SGK1: variants seen among roughly 807,000 people sequenced by gnomAD.
SGK1 encodes the protein serine/threonine-protein kinase Sgk1.
SGK1 carries 26 observed loss-of-function variants against 64.2 expected under a neutral mutation model. The ratio of observed to expected loss-of-function variants is 0.40; its 90% CI spans 0.30 to 0.56. SGK1 has a LOEUF of 0.56. SGK1 is among the 20% of genes least tolerant of loss of function. The pLI is 0.38. For synonymous variants in SGK1, 265 were observed against 239.7 expected (o/e 1.11, Z -0.98); for missense variants, 519 against 645.6 (o/e 0.80, Z 2.12).
intron 1 of SGK1, among the ~76,000 whole-genome samples, chr6:134,305,042 A>G (rs1777513977): frequency 6.6e-6 from 1 of 152,158 alleles, no homozygotes; most frequent in African/African-American, 2.4e-5. Flanking sequence ...TGAATGATAG[A>G]GAAGACAATG....
intron 1 of SGK1, among the ~76,000 whole-genome samples, chr6:134,282,649 T>C (rs989360369): frequency 1.4e-5 from 2 of 147,504 alleles, no homozygotes; most frequent in Admixed American, 6.7e-5. Context: ...TGAGACTCCA[T>C]CTCAAAAAAA....
intron 1 of SGK1, among the ~76,000 whole-genome samples, chr6:134,268,656 G>C (rs1417916434): frequency 2.1e-5 from 3 of 141,836 alleles, no homozygotes; most frequent in Non-Finnish European, 3.1e-5. Context: ...CCGGGAGGCG[G>C]AGCTTGCAGT....
chr6:134,170,261 A>G lies in SGK1; in HGVS notation c.*7T>C, dbSNP rs1341276634. ...TAAAATCCTTTAAAACCAAGCCCTA[A>G]CAGGGTTCAGAGGAAAGAGTCCGTG... On this transcript the variant is annotated 3_prime_UTR_variant, in exon 14 of 14. Coordinates refer to ENST00000367858, the MANE Select transcript of SGK1 (RefSeq NM_001143676.3). 1 of 1,604,128 alleles carries G rather than the reference A, an allele frequency of 6.2e-7. No homozygotes were observed. Among genetic ancestry groups the G allele is most frequent in the African/African-American group, 1.3e-5 (1 of 74,764 alleles).
intron 1 of SGK1, among the ~76,000 whole-genome samples, chr6:134,306,442 A>T (rs1421472429): frequency 6.6e-6 from 1 of 151,932 alleles, no homozygotes. Flanking sequence ...GAAAAAACAC[A>T]CAAGGAGCTA....
chr6:134,264,269 G>A (rs1025811167), intron 1 of SGK1, among the ~76,000 whole-genome samples: 13 of 151,704 alleles, frequency 8.6e-5, no homozygotes, highest in African/African-American at 3.1e-4. Context: ...ACAGGCACCT[G>A]CCACCATGCC....
At chr6:134,313,828 C>T (rs1777640529) in intron 1 of SGK1, among the ~76,000 whole-genome samples, 1 of 152,092 alleles carries the variant, frequency 6.6e-6, no homozygotes, top group African/African-American at 2.4e-5. Flanking sequence ...GAGACAATGT[C>T]ATTTGTTTGC....
At chr6:134,210,245 T>C (rs148974247) in intron 2 of SGK1, among the ~76,000 whole-genome samples, 1 of 152,302 alleles carries the variant, frequency 6.6e-6, no homozygotes, top group East Asian at 1.9e-4. Context: ...AATCATACCA[T>C]ATGTGACAAC....
intron 2 of SGK1, among the ~76,000 whole-genome samples, chr6:134,233,820 T>G (rs1268548507): frequency 2.6e-5 from 4 of 151,902 alleles, no homozygotes; most frequent in Non-Finnish European, 5.9e-5. Flanking sequence ...TTTTTTTTTT[T>G]GGCCAGAAAT....
At position 134,174,840 on chromosome 6, in the gene SGK1, C is replaced by T. The variant is rs199789425; in HGVS notation, c.362-254G>A. 4.8e-4 allele frequency: 772 copies of T among 1,613,518 alleles called. 5 individuals are homozygous for T. The African/African-American group carries it at 9.2e-3, about 19-fold the overall frequency. ...GCGGGGAGACAGAAAGACGTTAGCG[C>T]TCAAAGACCGGCTCGGCGTATGCTG... is the stretch of plus-strand genomic sequence containing the variant. On this transcript the variant is annotated intron_variant, in intron 3 of 13. Transcript: ENST00000367858.
At chr6:134,316,006 C>T (rs1777679561) in intron 1 of SGK1, among the ~76,000 whole-genome samples, 1 of 152,256 alleles carries the variant, frequency 6.6e-6, no homozygotes, top group South Asian at 2.1e-4. Flanking sequence ...CTTGCTTTCA[C>T]TTAGCTTGCA....
intron 2 of SGK1, among the ~76,000 whole-genome samples, chr6:134,226,704 A>T (rs550348558): frequency 0.077 from 11,634 of 151,662 alleles, 500 homozygotes; most frequent in Non-Finnish European, 0.086. Flanking sequence ...AAAAAAAAAA[A>T]TAAAAATAAA....
chr6:134,280,089 G>A (rs539282157), intron 1 of SGK1, among the ~76,000 whole-genome samples: 1 of 151,528 alleles, frequency 6.6e-6, no homozygotes, highest in South Asian at 2.1e-4. Flanking sequence ...CAGACACTCA[G>A]AAGGCTGAGG....
intron 3 of SGK1, among the ~76,000 whole-genome samples, chr6:134,178,839 C>T (rs1775289023): frequency 6.6e-6 from 1 of 152,124 alleles, no homozygotes; most frequent in Non-Finnish European, 1.5e-5. Context: ...AATTGTCTCA[C>T]ATTTATGTCT....
intron 2 of SGK1, among the ~76,000 whole-genome samples, chr6:134,223,283 G>A (rs982781038): frequency 3.3e-5 from 5 of 151,716 alleles, no homozygotes; most frequent in East Asian, 1.9e-4. Flanking sequence ...AAGGAGAATC[G>A]CTTGAACCCG....
chr6:134,191,677 T>A (rs1011358930), intron 3 of SGK1, among the ~76,000 whole-genome samples: 5 of 151,670 alleles, frequency 3.3e-5, no homozygotes, highest in Non-Finnish European at 7.4e-5. Context: ...GTTTTTGTTT[T>A]TTTTTTTTTG....
rs541200836 is a variant in SGK1 at position 134,214,703 on chromosome 6, A to G, written c.286-7272T>C. Among the ~76,000 whole-genome samples the G allele has an allele frequency of 7.9e-5, 12 of 152,340 alleles. No homozygotes were observed. The East Asian group carries it at 2.3e-3, about 29-fold the overall frequency. Reference sequence around the variant, plus strand: ...ACAGAATAATTTGAATAAAATTTGAATTTAAAAGATACCATTTCAAACTGT... The same window carrying G: ...ACAGAATAATTTGAATAAAATTTGAGTTTAAAAGATACCATTTCAAACTGT... On this transcript the variant is annotated intron_variant, in intron 2 of 13. Coordinates refer to ENST00000367858, the MANE Select transcript of SGK1 (RefSeq NM_001143676.3).
At chr6:134,311,132 C>T (rs1777602643) in intron 1 of SGK1, among the ~76,000 whole-genome samples, 1 of 152,128 alleles carries the variant, frequency 6.6e-6, no homozygotes, top group African/African-American at 2.4e-5. Context: ...TAATTTATAT[C>T]TAATCCATAT....
At chr6:134,178,632 TG>T (rs1775285324) in intron 3 of SGK1, among the ~76,000 whole-genome samples, 1 of 152,210 alleles carries the variant, frequency 6.6e-6, no homozygotes, top group Non-Finnish European at 1.5e-5. Flanking sequence ...CCTCCCGAAC[TG>T]TTTGTAAATG....
At chr6:134,312,046 A>G (rs1177589546) in intron 1 of SGK1, among the ~76,000 whole-genome samples, 2 of 152,216 alleles carry the variant, frequency 1.3e-5, no homozygotes, top group Non-Finnish European at 2.9e-5. Context: ...CCAATCCTGC[A>G]ACAGTATTGG....
Sources: gnomAD v4.1 joint callset for allele counts (sites outside exome capture counted in the v4.1 genomes callset) on GRCh38, gnomAD v4.1.1 for gene constraint, MANE v1.5 for transcripts, NCBI Gene and HGNC (gene_info 2026-07-23, HGNC 2026-07-21) for gene names.